OCA2: variants seen among roughly 807,000 people sequenced by gnomAD.
OCA2 encodes the protein OCA2 melanosomal transmembrane protein.
In OCA2, 77 loss-of-function variants were observed where a neutral mutation model predicts 100.2. The observed-to-expected ratio is 0.77, with a 90% CI of 0.64 to 0.93. OCA2 has a LOEUF of 0.93. OCA2 is among the 40% of genes least tolerant of loss of function. OCA2 has a pLI of 0.00. For missense variants in OCA2, 1,062 were observed against 1,089.1 expected (o/e 0.98, Z 0.35); for synonymous variants, 432 against 439.2 (o/e 0.98, Z 0.21).
At chr15:27,767,929 T>A (rs1215258583) in intron 23 of OCA2, among the ~76,000 whole-genome samples, 1 of 152,212 alleles carries the variant, frequency 6.6e-6, no homozygotes. Flanking sequence ...AGGGGTCGCA[T>A]GACAATGGCA....
intron 23 of OCA2, among the ~76,000 whole-genome samples, chr15:27,791,000 G>C (rs2033054777): frequency 6.6e-6 from 1 of 151,916 alleles, no homozygotes. Flanking sequence ...TGTTACTTGG[G>C]CTGGTCTCAA....
chr15:27,944,303 T>C (rs2039757646), intron 18 of OCA2, among the ~76,000 whole-genome samples: 1 of 152,228 alleles, frequency 6.6e-6, no homozygotes, highest in Admixed American at 6.5e-5. Context: ...CCCTCAATTA[T>C]TCTTGGGCTT....
intron 23 of OCA2, among the ~76,000 whole-genome samples, chr15:27,778,372 A>G (rs1178916341): frequency 6.6e-6 from 1 of 152,230 alleles, no homozygotes; most frequent in East Asian, 1.9e-4. Context: ...AAAAGAAAGA[A>G]AAACAAAAGA....
downstream of OCA2, among the ~76,000 whole-genome samples, chr15:27,749,914 T>C (rs1300093235): frequency 6.6e-6 from 1 of 152,228 alleles, no homozygotes; most frequent in Non-Finnish European, 1.5e-5. Flanking sequence ...TCTTCCCAAA[T>C]TAACTTATAA....
intron 23 of OCA2, among the ~76,000 whole-genome samples, chr15:27,764,702 C>A (rs929892799): frequency 6.6e-6 from 1 of 152,172 alleles, no homozygotes; most frequent in Admixed American, 6.5e-5. Context: ...TTCACCCTTA[C>A]TGAAAACACT....
chr15:28,051,525 C>G (rs905276024), intron 2 of OCA2, among the ~76,000 whole-genome samples: 3 of 150,638 alleles, frequency 2.0e-5, no homozygotes, highest in Admixed American at 6.6e-5. Context: ...CTCCTGGCCT[C>G]AGGTGATCCG....
chr15:27,936,082 G>C (rs998294931), intron 18 of OCA2, among the ~76,000 whole-genome samples: 1 of 152,210 alleles, frequency 6.6e-6, no homozygotes, highest in African/African-American at 2.4e-5. Context: ...ATGAGTACTG[G>C]CCATCAACTG....
chr15:27,725,516 C>T, the OCA2 span, among the ~76,000 whole-genome samples: 13 of 152,280 alleles, frequency 8.5e-5, no homozygotes, highest in East Asian at 2.5e-3. Flanking sequence ...TGTAGTGGGC[C>T]AAGGTTGTGC....
rs41313525 is a variant in OCA2, at chr15:27,870,991, A to G, written c.2244+163T>C. On this transcript the variant is annotated intron_variant, in intron 21 of 23. Coordinates refer to ENST00000354638, the MANE Select transcript of OCA2 (RefSeq NM_000275.3). ...CCAGCCTGCAGTCTGGGCTCTCGGC[A>G]CTCCCCACCCAGCTGCCCTGGGCTC... Among the ~76,000 whole-genome samples, 2,388 of 151,720 alleles carry G rather than the reference A, an allele frequency of 0.016. 56 individuals carry two copies. Among genetic ancestry groups the G allele is most frequent in the African/African-American group, 0.051 (2,093 of 41,344 alleles).
intron 23 of OCA2, among the ~76,000 whole-genome samples, chr15:27,777,129 T>C (rs1162176571): frequency 4.6e-5 from 7 of 152,042 alleles, no homozygotes; most frequent in Non-Finnish European, 7.4e-5. Flanking sequence ...CAGGCGAGCA[T>C]TGGCCCCACC....
intron 2 of OCA2, among the ~76,000 whole-genome samples, chr15:28,077,972 C>T (rs1161995070): frequency 2.0e-5 from 3 of 152,078 alleles, no homozygotes; most frequent in Admixed American, 2.0e-4. Flanking sequence ...CCCAGCTACT[C>T]GGGAGGCTGA....
At chr15:28,013,631 C>T (rs1331074474) in intron 9 of OCA2, among the ~76,000 whole-genome samples, 1 of 152,104 alleles carries the variant, frequency 6.6e-6, no homozygotes. Flanking sequence ...CCTCTGGCTG[C>T]TGGAGGGAGG....
intron 18 of OCA2, among the ~76,000 whole-genome samples, chr15:27,947,628 C>T (rs1015443696): frequency 8.5e-5 from 13 of 152,228 alleles, no homozygotes; most frequent in African/African-American, 3.1e-4. Flanking sequence ...TCGGCACATG[C>T]AGCTGGACAC....
chr15:28,080,925 A>C (rs966856055), intron 2 of OCA2, among the ~76,000 whole-genome samples: 6 of 152,230 alleles, frequency 3.9e-5, no homozygotes, highest in Non-Finnish European at 8.8e-5. Context: ...TTTCTTAAGG[A>C]ATGAAATCAT....
intron 23 of OCA2, among the ~76,000 whole-genome samples, chr15:27,820,537 G>A (rs1005849565): frequency 6.6e-6 from 1 of 152,170 alleles, no homozygotes; most frequent in African/African-American, 2.4e-5. Flanking sequence ...AACTGTCAAG[G>A]TCATCAAAAA....
intron 19 of OCA2, among the ~76,000 whole-genome samples, chr15:27,889,271 A>T (rs1388105863): frequency 1.3e-5 from 2 of 152,128 alleles, no homozygotes; most frequent in Non-Finnish European, 2.9e-5. Flanking sequence ...TTCATTTCAG[A>T]TCCCTCAACT....
chr15:28,094,648 C>T (rs1338081468), intron 1 of OCA2, among the ~76,000 whole-genome samples: 1 of 152,264 alleles, frequency 6.6e-6, no homozygotes, highest in Non-Finnish European at 1.5e-5. Flanking sequence ...GGGCTACTGC[C>T]GGCCCTCTCT....
At chr15:27,963,568 T>A (rs2040472955) in intron 15 of OCA2, among the ~76,000 whole-genome samples, 1 of 152,008 alleles carries the variant, frequency 6.6e-6, no homozygotes, top group Non-Finnish European at 1.5e-5. Flanking sequence ...TAATTTGAAC[T>A]GAATGAAAAT....
intron 23 of OCA2, among the ~76,000 whole-genome samples, chr15:27,798,641 G>GAA (rs768783571): frequency 2.1e-5 from 3 of 139,538 alleles, no homozygotes. Context: ...TTATTAATTT[G>GAA]AAAAAAAAAA....
Sources: gnomAD v4.1 joint callset for allele counts (sites outside exome capture counted in the v4.1 genomes callset) on GRCh38, gnomAD v4.1.1 for gene constraint, MANE v1.5 for transcripts, NCBI Gene and HGNC (gene_info 2026-07-23, HGNC 2026-07-21) for gene names.